The following JADE1 variants were observed in gnomAD, a reference collection of about 807,000 sequenced individuals.
The protein encoded by JADE1 is protein Jade-1.
In JADE1, 14 loss-of-function variants were observed where a neutral mutation model predicts 81.8. The ratio of observed to expected loss-of-function variants is 0.17; its 90% CI spans 0.11 to 0.27. The LOEUF (loss-of-function observed/expected upper bound fraction) is 0.27, where lower values mean the gene tolerates loss of function less well. Ranked by LOEUF, JADE1 falls within the 10% of genes least tolerant of loss-of-function variation. The pLI is 1.00. For missense variants in JADE1, 690 were observed against 1,047.9 expected (o/e 0.66, Z 4.71); for synonymous variants, 353 against 391.9 (o/e 0.90, Z 1.17).
chr4:128,826,101 T>G (rs186560479), intron 1 of JADE1, among the ~76,000 whole-genome samples: 3,411 of 152,328 alleles, frequency 0.022, 109 homozygotes, highest in African/African-American at 0.074. Context: ...CTTTTGTCTC[T>G]GTAGCTATTA....
intron 10 of JADE1, 91 bp downstream of exon 10, chr4:128,868,064 C>A: frequency 1.5e-6 from 1 of 651,546 alleles, no homozygotes. Context: ...TCTTAATTTT[C>A]TTATAGAAGA....
chr4:128,845,888 C>T (rs1197972993), intron 3 of JADE1, among the ~76,000 whole-genome samples: 1 of 151,482 alleles, frequency 6.6e-6, no homozygotes, highest in Non-Finnish European at 1.5e-5. Flanking sequence ...TGTGTTACCG[C>T]ACTCCAGCCT....
chr4:128,870,062 C>T (rs192550663), intron 10 of JADE1, among the ~76,000 whole-genome samples: 1 of 152,176 alleles, frequency 6.6e-6, no homozygotes, highest in African/African-American at 2.4e-5. Context: ...GTTGGAGGCT[C>T]TTTAGAGACA....
intron 8 of JADE1, among the ~76,000 whole-genome samples, chr4:128,858,873 G>A (rs952846698): frequency 2.6e-5 from 4 of 152,152 alleles, no homozygotes; most frequent in African/African-American, 9.7e-5. Context: ...CTCCCAAAAT[G>A]CTGGGATTAC....
Position 128,846,670 on chromosome 4 carries a change from G to A in JADE1, c.296+138G>A. The stretch of plus-strand genomic sequence containing the variant: ...ATTAAAATATCATGAGGCCTCAAGT[G>A]GAAATAGAAATTCAGGAGCAACATA... On this transcript the variant is annotated intron_variant, in intron 4 of 10. Coordinates refer to ENST00000226319, the MANE Select transcript of JADE1 (RefSeq NM_199320.4). The surrounding 1 kb of genome is among the most constrained non-coding windows in gnomAD (Gnocchi z 4.0). The A allele has an allele frequency of 1.1e-6, 1 of 897,966 alleles. No homozygotes were observed. Among genetic ancestry groups the A allele is most frequent in the Non-Finnish European group, 1.7e-6 (1 of 604,842 alleles). 55.6% of individuals were successfully genotyped at this position (897,966 alleles called of 1,614,324 possible). A position where few individuals can be genotyped will look rare whatever the true frequency, so the allele number is the denominator to read the frequency against.
chr4:128,847,123 C>T (rs957671719), intron 4 of JADE1, among the ~76,000 whole-genome samples: 1 of 152,116 alleles, frequency 6.6e-6, no homozygotes, highest in South Asian at 2.1e-4. Context: ...CCCTCAGGGT[C>T]GAGTCCCTGC....
At chr4:128,837,486 T>TA (rs1729076979) in intron 2 of JADE1, among the ~76,000 whole-genome samples, 1 of 152,122 alleles carries the variant, frequency 6.6e-6, no homozygotes, top group Admixed American at 6.6e-5. Context: ...TACGCTGGGG[T>TA]AAAAAACTAT....
At chr4:128,861,626 G>A (rs1378422766) in intron 8 of JADE1, 78 bp from the exon 9 acceptor site, 25 of 1,486,858 alleles carry the variant, frequency 1.7e-5, no homozygotes, top group Non-Finnish European at 2.2e-5. Context: ...GTGTACATGG[G>A]GTGCCTAGCA....
chr4:128,859,528 T>C (rs1194242617), intron 8 of JADE1, among the ~76,000 whole-genome samples: 1 of 150,736 alleles, frequency 6.6e-6, no homozygotes, highest in African/African-American at 2.4e-5. Context: ...TATGCTTGTG[T>C]ATGTGTGTAT....
At chr4:128,843,863 A>G (rs1729653005) in intron 3 of JADE1, among the ~76,000 whole-genome samples, 1 of 152,196 alleles carries the variant, frequency 6.6e-6, no homozygotes, top group South Asian at 2.1e-4. Context: ...CTAATAGGGA[A>G]CGTCAGAAGG....
At chr4:128,842,262 T>G (rs1729494251) in intron 2 of JADE1, among the ~76,000 whole-genome samples, 1 of 152,134 alleles carries the variant, frequency 6.6e-6, no homozygotes, top group South Asian at 2.1e-4. Flanking sequence ...TTAGAAAGCT[T>G]CCTGAAAACT....
chr4:128,861,985 G>A lies in JADE1; in HGVS notation c.1263G>A (p.Gln421=). The A allele has an allele frequency of 1.2e-6, 2 of 1,613,964 alleles. No homozygotes were observed. The highest frequency in any genetic ancestry group is 1.7e-6 in the Non-Finnish European group (2 of 1,179,986). The change falls in exon 9 of 11, where the codon CAG becomes CAA. Residue 421 remains glutamine (Q), a synonymous_variant. Transcript: ENST00000226319. The stretch of plus-strand genomic sequence containing the variant: ...TGAGTGTCCGTAAGCAGAAGCTGCA[G>A]CAGTTGGAGGATGAGTTCTACACCT... The part of the protein sequence containing the change: ...HRVSVRKQKL[Q]QLEDEFYTFV...
intron 1 of JADE1, among the ~76,000 whole-genome samples, chr4:128,823,864 A>C (rs904752924): frequency 6.6e-6 from 1 of 152,212 alleles, no homozygotes; most frequent in Non-Finnish European, 1.5e-5. Flanking sequence ...TTAAGCGATT[A>C]ATGTTTACTT....
chr4:128,838,266 A>G (rs1729144800), intron 2 of JADE1, among the ~76,000 whole-genome samples: 1 of 152,238 alleles, frequency 6.6e-6, no homozygotes. Flanking sequence ...TCCCATGTTT[A>G]ACATGAGGTA....
intron 8 of JADE1, 88 bp from the exon 9 acceptor site, chr4:128,861,616 G>A (rs949807103): frequency 4.2e-6 from 6 of 1,415,078 alleles, no homozygotes; most frequent in Non-Finnish European, 3.9e-6. Flanking sequence ...CTCTGTGCAT[G>A]TGTACATGGG....
chr4:128,825,423 C>T (rs1458901250), intron 1 of JADE1, among the ~76,000 whole-genome samples: 3 of 152,214 alleles, frequency 2.0e-5, no homozygotes, highest in East Asian at 1.9e-4. Context: ...GTCATGACCA[C>T]GCCCAGGTCA....
At chr4:128,870,001 T>C (rs13133315) in intron 10 of JADE1, among the ~76,000 whole-genome samples, 3,799 of 152,174 alleles carry the variant, frequency 0.025, 74 homozygotes, top group Middle Eastern at 0.054. Context: ...GGTCATTTGC[T>C]GAGAGTGTCC....
intron 2 of JADE1, among the ~76,000 whole-genome samples, chr4:128,838,016 G>A (rs74850652): frequency 6.6e-6 from 1 of 152,116 alleles, no homozygotes; most frequent in Non-Finnish European, 1.5e-5. Flanking sequence ...TACTCTTCAG[G>A]TTTTCCTTAT....
intron 10 of JADE1, among the ~76,000 whole-genome samples, chr4:128,868,910 T>G (rs1687668459): frequency 6.6e-6 from 1 of 152,186 alleles, no homozygotes; most frequent in South Asian, 2.1e-4. Context: ...TGCACCATTC[T>G]TGGTGCTTGC....
Sources: allele counts gnomAD v4.1 joint callset (sites outside exome capture counted in the v4.1 genomes callset), GRCh38; gene constraint gnomAD v4.1.1; non-coding constraint Gnocchi (gnomAD v3.1); transcripts MANE v1.5; gene names NCBI Gene and HGNC (gene_info 2026-07-23, HGNC 2026-07-21).